GPC5: variants seen among roughly 807,000 people sequenced by gnomAD.
The protein encoded by GPC5 is glypican-5.
In GPC5, 47 loss-of-function variants were observed where a neutral mutation model predicts 53.9. That is an observed-to-expected ratio of 0.87 (90% CI 0.69 to 1.11). The LOEUF (loss-of-function observed/expected upper bound fraction) is 1.11. Ranked by LOEUF, GPC5 falls within the 50% of genes most tolerant of loss-of-function variation. The probability of loss-of-function intolerance (pLI) is 0.00; values close to 1 mark genes in which losing one functional copy is unlikely to be tolerated. For synonymous variants in GPC5, 286 were observed against 263.3 expected, an observed-to-expected ratio of 1.09 and a Z score of -0.84; for missense variants, 748 against 713.1, an observed-to-expected ratio of 1.05 and a Z score of -0.56.
chr13:91,559,200 C>G (rs1167318930), intron 2 of GPC5, among the ~76,000 whole-genome samples: 1 of 152,146 alleles, frequency 6.6e-6, no homozygotes, highest in African/African-American at 2.4e-5. Flanking sequence ...CAGAATCAGC[C>G]TAACACCTAT....
At chr13:92,587,843 G>A (rs1237708402) in intron 7 of GPC5, among the ~76,000 whole-genome samples, 2 of 151,846 alleles carry the variant, frequency 1.3e-5, no homozygotes, top group East Asian at 3.9e-4. Context: ...CTGTGGTTAG[G>A]TGTAATATGC....
At chr13:92,003,983 G>A (rs1311974706) in intron 6 of GPC5, among the ~76,000 whole-genome samples, 1 of 152,104 alleles carries the variant, frequency 6.6e-6, no homozygotes, top group Non-Finnish European at 1.5e-5. Context: ...TCCTCACCAG[G>A]AGTTTTATGA....
At chr13:91,933,589 G>A (rs1360792545) in intron 6 of GPC5, among the ~76,000 whole-genome samples, 9 of 151,880 alleles carry the variant, frequency 5.9e-5, no homozygotes, top group African/African-American at 1.7e-4. Context: ...AAAAGGTACC[G>A]AAACATATAT....
chr13:92,246,918 ATGTC>A (rs1166901210), intron 7 of GPC5, among the ~76,000 whole-genome samples: 3 of 152,106 alleles, frequency 2.0e-5, no homozygotes, highest in African/African-American at 7.2e-5. Context: ...AAATCCCCAA[ATGTC>A]TGTGATAAAA....
At chr13:91,617,117 T>G (rs1243628943) in intron 2 of GPC5, among the ~76,000 whole-genome samples, 2 of 152,158 alleles carry the variant, frequency 1.3e-5, no homozygotes, top group Non-Finnish European at 2.9e-5. Flanking sequence ...TGAATGTCTG[T>G]TACATGTCAG....
chr13:92,111,362 G>A (rs1447535140), intron 6 of GPC5, among the ~76,000 whole-genome samples: 1 of 151,986 alleles, frequency 6.6e-6, no homozygotes, highest in Non-Finnish European at 1.5e-5. Flanking sequence ...ACATCTCTTT[G>A]GCACAAGTCT....
chr13:91,676,212 A>G (rs1400159127), intron 2 of GPC5, among the ~76,000 whole-genome samples: 2 of 152,158 alleles, frequency 1.3e-5, no homozygotes, highest in African/African-American at 4.8e-5. Flanking sequence ...CTGGGATTAC[A>G]GGTGCCCGCC....
intron 2 of GPC5, among the ~76,000 whole-genome samples, chr13:91,647,619 A>G (rs188260942): frequency 3.7e-4 from 56 of 152,272 alleles, no homozygotes; most frequent in African/African-American, 1.3e-3. Context: ...CGGGACTTCC[A>G]TGACTACTGA....
chr13:91,679,424 T>G (rs746589160), intron 2 of GPC5, among the ~76,000 whole-genome samples: 2 of 152,302 alleles, frequency 1.3e-5, no homozygotes, highest in South Asian at 2.1e-4. Flanking sequence ...GGTTGATATG[T>G]TATACATGGA....
chr13:92,735,907 G>C (rs1448711728), intron 7 of GPC5, among the ~76,000 whole-genome samples: 1 of 151,946 alleles, frequency 6.6e-6, no homozygotes, highest in Non-Finnish European at 1.5e-5. Context: ...GTGTGTATGA[G>C]GCCTCTTCTG....
intron 7 of GPC5, among the ~76,000 whole-genome samples, chr13:92,519,796 G>T (rs1253793338): frequency 6.6e-6 from 1 of 152,086 alleles, no homozygotes; most frequent in Non-Finnish European, 1.5e-5. Flanking sequence ...AACCGAAGGA[G>T]ATAGAGACAC....
intron 5 of GPC5, among the ~76,000 whole-genome samples, chr13:91,874,573 A>T (rs2039182256): frequency 6.6e-6 from 1 of 152,136 alleles, no homozygotes; most frequent in Non-Finnish European, 1.5e-5. Context: ...ATTTCTTACG[A>T]TGGTAAATTT....
intron 2 of GPC5, among the ~76,000 whole-genome samples, chr13:91,575,643 C>T (rs957888429): frequency 6.6e-5 from 10 of 152,040 alleles, no homozygotes; most frequent in Non-Finnish European, 1.0e-4. Flanking sequence ...TAGCCTGCAG[C>T]TTTTTTGTTC....
In GPC5 at chr13:91,693,480, A is replaced by G. The variant is rs2035806024; in HGVS notation, c.619A>G (p.Ile207Val). ...ARRDVSPFGN[I>V]PQRVMGQMGR... is the part of the protein sequence containing the mutation. ...CCGGGATGTGAGTCCATTTGGTAAT[A>G]TTCCCCAAAGAGTAATGGGACAGAT... is the stretch of plus-strand genomic sequence containing the variant. Residue 207 changes from isoleucine to valine, a missense_variant, in exon 3 of 8, where the codon ATT becomes GTT. Ile to Val is a conservative substitution (Grantham distance 29). Coordinates refer to ENST00000377067, the MANE Select transcript of GPC5 (RefSeq NM_004466.6). The G allele has an allele frequency of 6.2e-7, 1 of 1,613,978 alleles. No homozygotes were observed. The highest frequency in any genetic ancestry group is 1.3e-5 in the African/African-American group (1 of 74,902).
At chr13:92,699,700 A>G (rs1887667607) in intron 7 of GPC5, among the ~76,000 whole-genome samples, 1 of 152,204 alleles carries the variant, frequency 6.6e-6, no homozygotes, top group South Asian at 2.1e-4. Flanking sequence ...GTAGTCATTC[A>G]GGAGCAGGTT....
chr13:91,514,382 C>T (rs1566466815), intron 2 of GPC5, among the ~76,000 whole-genome samples: 1 of 152,070 alleles, frequency 6.6e-6, no homozygotes, highest in Non-Finnish European at 1.5e-5. Context: ...TTTGCATTTC[C>T]CTAATAGGCT....
intron 7 of GPC5, among the ~76,000 whole-genome samples, chr13:92,398,148 A>G (rs1398273874): frequency 6.6e-6 from 1 of 152,152 alleles, no homozygotes; most frequent in Non-Finnish European, 1.5e-5. Flanking sequence ...AATTTATTTT[A>G]AAAAATTATT....
intron 7 of GPC5, among the ~76,000 whole-genome samples, chr13:92,650,394 G>GT (rs1407544949): frequency 6.6e-6 from 1 of 152,070 alleles, no homozygotes; most frequent in African/African-American, 2.4e-5. Context: ...GATTTCCAGA[G>GT]CAAATGGGCT....
At chr13:91,403,856 C>A (rs1255165831) in intron 1 of GPC5, among the ~76,000 whole-genome samples, 1 of 152,184 alleles carries the variant, frequency 6.6e-6, no homozygotes, top group Non-Finnish European at 1.5e-5. Context: ...ATACTGATCA[C>A]ACATATTCCC....
Sources: allele counts gnomAD v4.1 joint callset (sites outside exome capture counted in the v4.1 genomes callset), GRCh38; gene constraint gnomAD v4.1.1; transcripts MANE v1.5; gene names NCBI Gene and HGNC (gene_info 2026-07-23, HGNC 2026-07-21).